The following SPAG16 variants were observed in gnomAD, a reference collection of about 807,000 sequenced individuals.
SPAG16 encodes sperm-associated antigen 16 protein.
A neutral mutation model predicts 80.4 loss-of-function variants in SPAG16; 86 were observed. The ratio of observed to expected loss-of-function variants is 1.07; its 90% CI spans 0.90 to 1.28. SPAG16 has a LOEUF of 1.28. Among genes scored for constraint, SPAG16 ranks in the 50% most tolerant of loss-of-function variants. The pLI is 0.00. For synonymous variants in SPAG16, 294 were observed against 265.9 expected, an observed-to-expected ratio of 1.11 and a Z score of -1.03; for missense variants, 870 against 765.3, an observed-to-expected ratio of 1.14 and a Z score of -1.61.
At chr2:214,261,107 C>CAAAAAAAAAAAAAAAAA (rs558534808) in intron 15 of SPAG16, among the ~76,000 whole-genome samples, 8 of 54,472 alleles carry the variant, frequency 1.5e-4, no homozygotes, top group Non-Finnish European at 1.9e-4. Flanking sequence ...GACTCAGTCT[C>CAAAAAAAAAAAAAAAAA]AAAAAAAAAA....
At chr2:213,293,665 C>G (rs28888397) in intron 1 of SPAG16, among the ~76,000 whole-genome samples, 32,798 of 152,086 alleles carry the variant, frequency 0.22, 4,389 homozygotes, top group Non-Finnish European at 0.31. Context: ...CTCTAATTCT[C>G]CTGTTATTTT....
At chr2:213,951,400 C>T (rs2079769978) in intron 12 of SPAG16, among the ~76,000 whole-genome samples, 1 of 152,212 alleles carries the variant, frequency 6.6e-6, no homozygotes, top group South Asian at 2.1e-4. Context: ...GATTCAGAGT[C>T]ATAATAGTAA....
chr2:213,928,292 C>T lies in SPAG16; in HGVS notation c.1215-1668C>T, dbSNP rs184780667. 1.5e-4 allele frequency among the ~76,000 whole-genome samples: 22 copies of T among 151,386 alleles called. 1 individual carries two copies. Among genetic ancestry groups the T allele is most frequent in the Non-Finnish European group, 2.8e-4 (19 of 67,856 alleles). On this transcript the variant is annotated intron_variant, in intron 11 of 15. Transcript: ENST00000331683. Reference sequence around the variant, plus strand: ...TATTTTTAGTAGAGACGGGGTTTCACCATGTTAGCCAGGATGGTCTCTATC... The same window carrying T: ...TATTTTTAGTAGAGACGGGGTTTCATCATGTTAGCCAGGATGGTCTCTATC...
At chr2:214,083,352 G>A (rs140436481) in intron 13 of SPAG16, among the ~76,000 whole-genome samples, 237 of 152,200 alleles carry the variant, frequency 1.6e-3, no homozygotes, top group African/African-American at 5.2e-3. Flanking sequence ...CCTCTCCTGA[G>A]TTAAGGAGGC....
intron 10 of SPAG16, among the ~76,000 whole-genome samples, chr2:213,582,795 C>T (rs1184963663): frequency 6.6e-6 from 1 of 152,078 alleles, no homozygotes; most frequent in African/African-American, 2.4e-5. Context: ...GGAGAGAATG[C>T]TATTCTGCAA....
In SPAG16 at chr2:213,990,524, GT is replaced by G. The variant is rs1202771676; in HGVS notation, c.1401-23426del. Among the ~76,000 whole-genome samples, 6 of 152,114 alleles carry G rather than the reference GT, an allele frequency of 3.9e-5. No homozygotes were observed. The South Asian group carries it at 1.2e-3, about 32-fold the overall frequency. On this transcript the variant is annotated intron_variant, in intron 12 of 15. Coordinates refer to ENST00000331683, the MANE Select transcript of SPAG16 (RefSeq NM_024532.5). Reference sequence around the variant, plus strand: ...TAATTGACACAAATGTATATTACATGTATTATATACTCTGTTCTTATAATAA... The same window carrying G: ...TAATTGACACAAATGTATATTACATGATTATATACTCTGTTCTTATAATAA...
chr2:213,622,225 A>C (rs1318378964), intron 10 of SPAG16, among the ~76,000 whole-genome samples: 1 of 152,160 alleles, frequency 6.6e-6, no homozygotes, highest in Admixed American at 6.6e-5. Flanking sequence ...TACGGTCTTA[A>C]AGTTTCAAAG....
At chr2:213,616,726 C>T (rs911859599) in intron 10 of SPAG16, among the ~76,000 whole-genome samples, 1 of 152,096 alleles carries the variant, frequency 6.6e-6, no homozygotes, top group African/African-American at 2.4e-5. Flanking sequence ...TTTTGTTTTT[C>T]ACTCTTGTAC....
At chr2:214,096,588 A>G (rs1444833478) in intron 13 of SPAG16, among the ~76,000 whole-genome samples, 1 of 152,112 alleles carries the variant, frequency 6.6e-6, no homozygotes, top group African/African-American at 2.4e-5. Flanking sequence ...TAAATGAAGA[A>G]TGCTGCATGA....
At chr2:213,353,367 G>C (rs1488975) in intron 7 of SPAG16, among the ~76,000 whole-genome samples, 148,384 of 152,282 alleles carry the variant, frequency 0.97, 72,405 homozygotes, top group East Asian at 1. Flanking sequence ...CTCTATATTG[G>C]AAATACAAGC....
chr2:214,076,543 CTGTGTGTGTGTGTGTG>C (rs59810311), intron 13 of SPAG16, among the ~76,000 whole-genome samples: 1 of 124,402 alleles, frequency 8.0e-6, no homozygotes, highest in Admixed American at 8.1e-5. Flanking sequence ...GTGTGTGTGT[CTGTGTGTGTGTGTGTG>C]TGTGTGTTTG....
intron 10 of SPAG16, among the ~76,000 whole-genome samples, chr2:213,713,187 A>T (rs1220373633): frequency 6.6e-6 from 1 of 152,190 alleles, no homozygotes; most frequent in Non-Finnish European, 1.5e-5. Context: ...ACACGTAGGG[A>T]TTATAATTCA....
At chr2:213,306,461 C>T (rs7590108) in intron 3 of SPAG16, among the ~76,000 whole-genome samples, 8,308 of 39,348 alleles carry the variant, frequency 0.21, 819 homozygotes, top group African/African-American at 0.42. Flanking sequence ...TGGCTGGTAT[C>T]TCACTAAGTC....
chr2:213,709,358 T>C (rs1244162811), intron 10 of SPAG16, among the ~76,000 whole-genome samples: 1 of 152,206 alleles, frequency 6.6e-6, no homozygotes, highest in Non-Finnish European at 1.5e-5. Context: ...GGACAAGACA[T>C]TCCCTTCGAG....
intron 8 of SPAG16, among the ~76,000 whole-genome samples, chr2:213,368,749 C>G (rs1470218917): frequency 2.0e-5 from 3 of 152,136 alleles, no homozygotes; most frequent in Non-Finnish European, 4.4e-5. Context: ...GCAAAAATCA[C>G]AAGTATTCTT....
chr2:214,067,460 A>G (rs544348305), intron 13 of SPAG16, among the ~76,000 whole-genome samples: 1 of 152,290 alleles, frequency 6.6e-6, no homozygotes, highest in South Asian at 2.1e-4. Flanking sequence ...TACTGCATGC[A>G]TAAAGCCAAA....
At chr2:213,745,800 C>A (rs750637950) in intron 10 of SPAG16, among the ~76,000 whole-genome samples, 30 of 152,110 alleles carry the variant, frequency 2.0e-4, no homozygotes, top group Non-Finnish European at 3.4e-4. Flanking sequence ...AAAATCACTT[C>A]TTGACCTTAA....
chr2:213,699,986 T>C (rs1337078988), intron 10 of SPAG16, among the ~76,000 whole-genome samples: 1 of 152,258 alleles, frequency 6.6e-6, no homozygotes, highest in Admixed American at 6.5e-5. Flanking sequence ...TGTTAGGAAA[T>C]TTCTCTCTGG....
chr2:213,992,503 A>G (rs2046333439), intron 12 of SPAG16, among the ~76,000 whole-genome samples: 1 of 152,202 alleles, frequency 6.6e-6, no homozygotes, highest in Admixed American at 6.5e-5. Flanking sequence ...TAATATATCC[A>G]TTTTTAAAAT....
Sources: gnomAD v4.1 joint callset for allele counts (sites outside exome capture counted in the v4.1 genomes callset) on GRCh38, gnomAD v4.1.1 for gene constraint, MANE v1.5 for transcripts, NCBI Gene and HGNC (gene_info 2026-07-23, HGNC 2026-07-21) for gene names.